Variants in DTNA observed in about 807,000 individuals in gnomAD.
The protein encoded by DTNA is dystrophin-related protein 3.
Under a neutral mutation model 100.7 loss-of-function variants are expected in DTNA, and 43 were observed. The observed-to-expected ratio is 0.43, with a 90% CI of 0.33 to 0.55. DTNA has a LOEUF of 0.55. Ranked by LOEUF, DTNA falls within the 20% of genes least tolerant of loss-of-function variation. The pLI is 0.04. For missense variants in DTNA, 798 were observed against 953.9 expected, an observed-to-expected ratio of 0.84 and a Z score of 2.15; for synonymous variants, 349 against 347.9, an observed-to-expected ratio of 1.00 and a Z score of -0.04.
intron 1 of DTNA, among the ~76,000 whole-genome samples, chr18:34,611,692 G>A (rs1374684570): frequency 1.3e-5 from 2 of 152,198 alleles, no homozygotes; most frequent in African/African-American, 2.4e-5. Context: ...TCAGGAGTCA[G>A]GAATCAGAGT....
chr18:34,802,121 G>C (rs1015164136), intron 4 of DTNA, among the ~76,000 whole-genome samples: 1 of 152,242 alleles, frequency 6.6e-6, no homozygotes, highest in East Asian at 1.9e-4. Flanking sequence ...ATAAAAGCAA[G>C]AGAAGTATAC....
At chr18:34,692,040 C>G (rs772217445) in intron 1 of DTNA, among the ~76,000 whole-genome samples, 3 of 152,198 alleles carry the variant, frequency 2.0e-5, no homozygotes, top group Admixed American at 6.5e-5. Context: ...ATCTTAGCTT[C>G]TCATGTTATT....
chr18:34,724,657 A>G (rs2086172350), intron 1 of DTNA, among the ~76,000 whole-genome samples: 1 of 152,010 alleles, frequency 6.6e-6, no homozygotes, highest in Admixed American at 6.6e-5. Context: ...TACAGTGAGA[A>G]CTCTCTCATT....
At chr18:34,631,425 A>G (rs940665443) in intron 1 of DTNA, among the ~76,000 whole-genome samples, 5 of 152,190 alleles carry the variant, frequency 3.3e-5, no homozygotes, top group South Asian at 2.1e-4. Flanking sequence ...TTTTATCACT[A>G]TTTTTAAATT....
At chr18:34,524,226 A>G (rs1568587144) in intron 1 of DTNA, among the ~76,000 whole-genome samples, 2 of 152,226 alleles carry the variant, frequency 1.3e-5, no homozygotes, top group Non-Finnish European at 2.9e-5. Flanking sequence ...ATAGAACTCC[A>G]TAGTAAATTG....
chr18:34,666,432 C>A (rs1468475406), intron 1 of DTNA, among the ~76,000 whole-genome samples: 3 of 151,716 alleles, frequency 2.0e-5, no homozygotes, highest in African/African-American at 7.3e-5. Flanking sequence ...TTAATTAGAT[C>A]CCATTTGTCA....
chr18:34,848,450 T>C, intron 14 of DTNA, 67 bp downstream of exon 14: 1 of 1,466,380 alleles, frequency 6.8e-7, no homozygotes, highest in South Asian at 1.2e-5. Context: ...TATGTCATGT[T>C]TATTGTTATT....
At chr18:34,547,462 A>G (rs1490626624) in intron 1 of DTNA, among the ~76,000 whole-genome samples, 1 of 152,080 alleles carries the variant, frequency 6.6e-6, no homozygotes, top group Non-Finnish European at 1.5e-5. Flanking sequence ...TGTCACTGTG[A>G]GACGTCTTGG....
In DTNA at chr18:34,605,159, A is replaced by T. The variant is rs561955759; in HGVS notation, c.-2+111645A>T. On this transcript the variant is annotated intron_variant, in intron 1 of 19. Coordinates refer to the DTNA transcript ENST00000283365. The stretch of plus-strand genomic sequence containing the variant: ...GGTAAGAAATTAAATTATAGGGCAT[A>T]CAATTTTTTCTTGGAATTTTCCCAC... Among the ~76,000 whole-genome samples, 5 of 152,182 alleles carry T rather than the reference A, an allele frequency of 3.3e-5. No homozygotes were observed. In the South Asian group the frequency reaches 1.0e-3, roughly 32 times the overall value.
chr18:34,547,682 T>G (rs2044947821), intron 1 of DTNA, among the ~76,000 whole-genome samples: 1 of 152,182 alleles, frequency 6.6e-6, no homozygotes, highest in Non-Finnish European at 1.5e-5. Context: ...AGAACAAACC[T>G]GTTTACATAA....
intron 1 of DTNA, among the ~76,000 whole-genome samples, chr18:34,539,950 T>C (rs1373471697): frequency 6.6e-6 from 1 of 151,890 alleles, no homozygotes; most frequent in Non-Finnish European, 1.5e-5. Context: ...AGGCCACTTA[T>C]CAATATAGTC....
In DTNA at chr18:34,549,137, C is replaced by A. The variant is rs201672327; in HGVS notation, c.-2+55623C>A. ...TTCCCTTTCTCTCTCTCTGCTCCCA[C>A]TAACATGGTCAGCAGAGCATTGTCA... On this transcript the variant is annotated intron_variant, in intron 1 of 19. Coordinates refer to the DTNA transcript ENST00000283365. Among the ~76,000 whole-genome samples the A allele has an allele frequency of 2.6e-5, 4 of 152,142 alleles. No homozygotes were observed. The East Asian group carries it at 7.8e-4, about 30-fold the overall frequency.
At chr18:34,861,370 C>G (rs1336408338) in intron 16 of DTNA, among the ~76,000 whole-genome samples, 1 of 151,652 alleles carries the variant, frequency 6.6e-6, no homozygotes, top group East Asian at 1.9e-4. Context: ...CCTGTACTCC[C>G]AGCTGCTGCA....
chr18:34,742,683 CCTGT>C (rs112497411), intron 1 of DTNA, among the ~76,000 whole-genome samples: 1,934 of 19,880 alleles, frequency 0.097, 50 homozygotes, highest in African/African-American at 0.24. Context: ...TTCCCATTAT[CCTGT>C]CTATTTCATC....
At chr18:34,705,296 T>TA (rs1002636438) in intron 1 of DTNA, among the ~76,000 whole-genome samples, 77 of 148,518 alleles carry the variant, frequency 5.2e-4, no homozygotes, top group South Asian at 1.7e-3. Flanking sequence ...TTGTCCCTGA[T>TA]AAAAAAAAAA....
intron 1 of DTNA, among the ~76,000 whole-genome samples, chr18:34,583,635 A>G (rs2048846988): frequency 6.6e-6 from 1 of 151,410 alleles, no homozygotes; most frequent in African/African-American, 2.4e-5. Context: ...ATGTGTTTTT[A>G]GCTAAACAGA....
At chr18:34,796,553 C>T (rs991629145) in intron 4 of DTNA, among the ~76,000 whole-genome samples, 1 of 152,052 alleles carries the variant, frequency 6.6e-6, no homozygotes, top group South Asian at 2.1e-4. Flanking sequence ...TACAGAATCA[C>T]TGAAACATTT....
chr18:34,745,701 T>C lies in DTNA; in HGVS notation c.-1-10275T>C, dbSNP rs138602808. On this transcript the variant is annotated intron_variant, in intron 1 of 22. Coordinates refer to ENST00000444659, the MANE Select transcript of DTNA (RefSeq NM_001386795.1). Reference sequence around the variant, plus strand: ...GTCCCTTGGGCAGTTGCTCTGTAGATGTGTCCACTGTAATTGGCTGCTGCC... The same window carrying C: ...GTCCCTTGGGCAGTTGCTCTGTAGACGTGTCCACTGTAATTGGCTGCTGCC... 3.8e-3 allele frequency among the ~76,000 whole-genome samples: 574 copies of C among 152,304 alleles called. 6 individuals are homozygous for C. The highest frequency in any genetic ancestry group is 0.013 in the African/African-American group (534 of 41,558).
chr18:34,691,618 C>A (rs2079778096), intron 1 of DTNA, among the ~76,000 whole-genome samples: 1 of 152,220 alleles, frequency 6.6e-6, no homozygotes, highest in African/African-American at 2.4e-5. Context: ...TGTCATAATA[C>A]TGGTACAATG....
Sources: allele counts gnomAD v4.1 joint callset (sites outside exome capture counted in the v4.1 genomes callset), GRCh38; gene constraint gnomAD v4.1.1; transcripts MANE v1.5; gene names NCBI Gene and HGNC (gene_info 2026-07-23, HGNC 2026-07-21).